The following SLC22A3 variants were observed in gnomAD, a reference collection of about 807,000 sequenced individuals.
The protein encoded by SLC22A3 is solute carrier family 22 member 3.
SLC22A3 carries 51 observed loss-of-function variants against 59.1 expected under a neutral mutation model. The ratio of observed to expected loss-of-function variants is 0.86; its 90% CI spans 0.69 to 1.09. SLC22A3 has a LOEUF of 1.09. Among genes scored for constraint, SLC22A3 ranks in the 50% least tolerant of loss-of-function variants. The probability of loss-of-function intolerance (pLI) is 0.00; values close to 1 mark genes in which losing one functional copy is unlikely to be tolerated. For synonymous variants in SLC22A3, 325 were observed against 292.0 expected, an observed-to-expected ratio of 1.11 and a Z score of -1.15; for missense variants, 711 against 726.3, an observed-to-expected ratio of 0.98 and a Z score of 0.24.
In SLC22A3 at chr6:160,415,971, T is replaced by C. The variant is rs77033908; in HGVS notation, c.975+5125T>C. On this transcript the variant is annotated intron_variant, in intron 5 of 10. Coordinates refer to ENST00000275300, the MANE Select transcript of SLC22A3 (RefSeq NM_021977.4). This position sits in a 1 kb window ranked among gnomAD's most constrained non-coding sequence, Gnocchi z 4.1. ...AGCTTTAGTGAGAGAAGGGAAAATA[T>C]GAGAGGAAAATAGTATGACAGATTT... 0.042 allele frequency among the ~76,000 whole-genome samples: 6,414 copies of C among 152,282 alleles called. 404 individuals are homozygous for C. Among genetic ancestry groups the C allele is most frequent in the African/African-American group, 0.14 (5,664 of 41,546 alleles).
At chr6:160,418,463 C>T (rs758765011) in intron 5 of SLC22A3, among the ~76,000 whole-genome samples, 3 of 152,198 alleles carry the variant, frequency 2.0e-5, no homozygotes, top group Non-Finnish European at 4.4e-5. Flanking sequence ...GACAACCTAT[C>T]GTGGGACTTC....
At chr6:160,450,451 G>T (rs923801290) in intron 10 of SLC22A3, among the ~76,000 whole-genome samples, 1 of 152,052 alleles carries the variant, frequency 6.6e-6, no homozygotes, top group African/African-American at 2.4e-5. Flanking sequence ...CTATTTCAAG[G>T]TGCACTGATT....
rs559486824 is a variant in SLC22A3, at chr6:160,360,078, T to C, written c.429+11230T>C. On this transcript the variant is annotated intron_variant, in intron 1 of 10. Coordinates refer to ENST00000275300, the MANE Select transcript of SLC22A3 (RefSeq NM_021977.4). Reference sequence around the variant, plus strand: ...TCTTATTTGATAGCATGCTATACAATTATTTTTCCTTACTAAACTTTCATA... The same window carrying C: ...TCTTATTTGATAGCATGCTATACAACTATTTTTCCTTACTAAACTTTCATA... Among the ~76,000 whole-genome samples, 63 of 152,348 alleles carry C rather than the reference T, an allele frequency of 4.1e-4. No homozygotes were observed. In the South Asian group the frequency reaches 0.012, roughly 30 times the overall value.
chr6:160,408,671 A>G (rs769110107), intron 3 of SLC22A3, 82 bp from the exon 4 acceptor site: 1 of 1,341,408 alleles, frequency 7.5e-7, no homozygotes, highest in Admixed American at 1.7e-5. Flanking sequence ...TGGATGTAAC[A>G]GGTGTAACAT....
chr6:160,389,940 G>A (rs1786182778), intron 1 of SLC22A3, among the ~76,000 whole-genome samples: 1 of 152,218 alleles, frequency 6.6e-6, no homozygotes, highest in Non-Finnish European at 1.5e-5. Context: ...GTGGGATTCT[G>A]TGTGGGTCTC....
chr6:160,406,530 A>G (rs964778857), intron 2 of SLC22A3, among the ~76,000 whole-genome samples: 1 of 152,234 alleles, frequency 6.6e-6, no homozygotes. Flanking sequence ...TTTCACATTA[A>G]CATCTCATTT....
Position 160,449,588 on chromosome 6 carries a change from G to A in SLC22A3, c.1611-1408G>A, listed in dbSNP as rs372635730. 3.3e-3 allele frequency among the ~76,000 whole-genome samples: 499 copies of A among 152,138 alleles called. 2 individuals are homozygous for A. The highest frequency in any genetic ancestry group is 4.6e-3 in the Non-Finnish European group (316 of 68,008). On this transcript the variant is annotated intron_variant, in intron 10 of 10. Coordinates refer to ENST00000275300, the MANE Select transcript of SLC22A3 (RefSeq NM_021977.4). ...AAAAATCACACTGGATTATTTTATC[G>A]TTTCTGCTGGTTTTTGTTCATGTTA... is the stretch of plus-strand genomic sequence containing the variant.
At chr6:160,386,730 C>T (rs1786033181) in intron 1 of SLC22A3, among the ~76,000 whole-genome samples, 1 of 152,272 alleles carries the variant, frequency 6.6e-6, no homozygotes, top group South Asian at 2.1e-4. Context: ...CACCTGCTCT[C>T]CAAGAAGGGC....
rs138054916 is a variant in SLC22A3 at position 160,356,721 on chromosome 6, A to G, written c.429+7873A>G. ...CCCACCCCCTCTTAAATCATAACCA[A>G]GAAAGGACATGTATTTATATTCTGT... On this transcript the variant is annotated intron_variant, in intron 1 of 10. Coordinates refer to ENST00000275300, the MANE Select transcript of SLC22A3 (RefSeq NM_021977.4). 2.9e-3 allele frequency among the ~76,000 whole-genome samples: 441 copies of G among 152,348 alleles called. 2 individuals carry two copies. Among genetic ancestry groups the G allele is most frequent in the African/African-American group, 0.01 (420 of 41,578 alleles).
chr6:160,366,161 C>T (rs1230027925), intron 1 of SLC22A3, among the ~76,000 whole-genome samples: 1 of 152,172 alleles, frequency 6.6e-6, no homozygotes, highest in Non-Finnish European at 1.5e-5. Context: ...TCCCAACAGT[C>T]CCCCAAATTC....
intron 1 of SLC22A3, among the ~76,000 whole-genome samples, chr6:160,397,269 C>T (rs1233282000): frequency 6.6e-6 from 1 of 152,060 alleles, no homozygotes; most frequent in East Asian, 1.9e-4. Flanking sequence ...GTTCACGCTC[C>T]TATGAGAATC....
At chr6:160,383,982 T>A (rs1261731594) in intron 1 of SLC22A3, among the ~76,000 whole-genome samples, 1 of 152,084 alleles carries the variant, frequency 6.6e-6, no homozygotes, top group Non-Finnish European at 1.5e-5. Flanking sequence ...CAGGCTGGAG[T>A]GCAGTGGTGC....
At chr6:160,350,044 C>A (rs1001118866) in intron 1 of SLC22A3, among the ~76,000 whole-genome samples, 3 of 152,254 alleles carry the variant, frequency 2.0e-5, no homozygotes, top group Non-Finnish European at 4.4e-5. Flanking sequence ...GTTTTATACG[C>A]CATGTGCTGG....
At position 160,436,725 on chromosome 6, in the gene SLC22A3, T is replaced by C. The variant is rs1042437398; in HGVS notation, c.976-55T>C. On this transcript the variant is annotated intron_variant, in intron 5 of 10. Coordinates refer to ENST00000275300, the MANE Select transcript of SLC22A3 (RefSeq NM_021977.4). Reference sequence around the variant, plus strand: ...TCTGGTTAATGACAAGTCTATACTATGCAGGTTTTTTTTTTTTCTGTCTAT... The same window carrying C: ...TCTGGTTAATGACAAGTCTATACTACGCAGGTTTTTTTTTTTTCTGTCTAT... 9 of 1,130,032 alleles carry C rather than the reference T, an allele frequency of 8.0e-6. No homozygotes were observed. The Admixed American group carries it at 1.1e-4, about 14-fold the overall frequency. 70.0% of individuals were successfully genotyped at this position (1,130,032 alleles called of 1,614,324 possible).
chr6:160,351,166 T>A (rs1784647533), intron 1 of SLC22A3, among the ~76,000 whole-genome samples: 4 of 152,290 alleles, frequency 2.6e-5, no homozygotes, highest in East Asian at 1.9e-4. Flanking sequence ...CCCAGGCTGG[T>A]GTGCAGTGGC....
intron 1 of SLC22A3, among the ~76,000 whole-genome samples, chr6:160,375,910 TAGGTTTTTAAACCCTCTA>T (rs1264976081): frequency 2.0e-5 from 3 of 152,200 alleles, no homozygotes; most frequent in Non-Finnish European, 2.9e-5. Flanking sequence ...AACCTCTGAC[TAGGTTTTTAAACCCTCTA>T]AGTCTTGGGT....
chr6:160,396,343 TA>T (rs1786470033), intron 1 of SLC22A3, among the ~76,000 whole-genome samples: 1 of 152,208 alleles, frequency 6.6e-6, no homozygotes, highest in Non-Finnish European at 1.5e-5. Flanking sequence ...CAACTTTTTG[TA>T]AGTCTGATGG....
At position 160,369,282 on chromosome 6, in the gene SLC22A3, T is replaced by G. The variant is rs538454153; in HGVS notation, c.429+20434T>G. Among the ~76,000 whole-genome samples, 708 of 152,344 alleles carry G rather than the reference T, an allele frequency of 4.6e-3. 3 individuals carry two copies. Among genetic ancestry groups the G allele is most frequent in the African/African-American group, 0.016 (684 of 41,582 alleles). ...TTATCAGGCCAAAATCCATAGTTAT[T>G]CTAAAATGGATATCATACAAATAAT... On this transcript the variant is annotated intron_variant, in intron 1 of 10. Transcript: ENST00000275300.
intron 1 of SLC22A3, among the ~76,000 whole-genome samples, chr6:160,386,042 G>A (rs1037769434): frequency 5.3e-5 from 8 of 152,228 alleles, no homozygotes; most frequent in Admixed American, 3.3e-4. Flanking sequence ...GGCCCCTGGA[G>A]ATGAATGTGG....
Sources: gnomAD v4.1 joint callset for allele counts (sites outside exome capture counted in the v4.1 genomes callset) on GRCh38, gnomAD v4.1.1 for gene constraint, Gnocchi (gnomAD v3.1) non-coding constraint, MANE v1.5 for transcripts, NCBI Gene and HGNC (gene_info 2026-07-23, HGNC 2026-07-21) for gene names.